Variants in PCBP3 observed in about 807,000 individuals in gnomAD.
The protein encoded by PCBP3 is poly(rC)-binding protein 3.
PCBP3 carries 25 observed loss-of-function variants against 52.7 expected under a neutral mutation model. That is an observed-to-expected ratio of 0.47 (90% confidence interval 0.35 to 0.66). The LOEUF (loss-of-function observed/expected upper bound fraction) is 0.66, where lower values mean the gene tolerates loss of function less well. Ranked by LOEUF, PCBP3 falls within the 30% of genes least tolerant of loss-of-function variation. The pLI, the probability that PCBP3 is intolerant of heterozygous loss-of-function variation, is 0.01. For synonymous variants in PCBP3, 162 were observed against 183.0 expected (o/e 0.89, Z 0.93); for missense variants, 391 against 490.3 (o/e 0.80, Z 1.91).
intron 1 of PCBP3, among the ~76,000 whole-genome samples, chr21:45,654,337 CA>C (rs1317255989): frequency 9.5e-5 from 12 of 125,702 alleles, no homozygotes; most frequent in Non-Finnish European, 1.8e-4. Flanking sequence ...GTAGACATTG[CA>C]TTTTTTTTTT....
rs574250606 is a variant in PCBP3, at chr21:45,894,765, C to T, written c.11-1443C>T. On this transcript the variant is annotated intron_variant, in intron 5 of 17. Transcript: ENST00000681687. ...AACTGAAAAAGGCACATGTGGCTGT[C>T]CTGCTGCACAGTGCAGCGAGAGCAT... is the stretch of plus-strand genomic sequence containing the variant. Among the ~76,000 whole-genome samples, 11 of 152,336 alleles carry T rather than the reference C, an allele frequency of 7.2e-5. No individual in the cohort carries two copies. The South Asian group carries it at 2.3e-3, about 32-fold the overall frequency.
At chr21:45,796,471 A>T (rs2091925039) in intron 4 of PCBP3, among the ~76,000 whole-genome samples, 1 of 152,068 alleles carries the variant, frequency 6.6e-6, no homozygotes, top group Non-Finnish European at 1.5e-5. Flanking sequence ...TTCTGTATGT[A>T]TCACTTCTCT....
chr21:45,849,826 C>T, intron 4 of PCBP3, 135 bp from the exon 5 acceptor site: 1 of 504,202 alleles, frequency 2.0e-6, no homozygotes, highest in Admixed American at 3.5e-5. Flanking sequence ...CACACTCACA[C>T]TGTGCCTTGT....
In PCBP3 at chr21:45,724,956, CAAAT is replaced by C. The variant is rs1485985139; in HGVS notation, c.-199-10432_-199-10429del. Among the ~76,000 whole-genome samples, 1 of 152,088 alleles carries C rather than the reference CAAAT, an allele frequency of 6.6e-6. No individual in the cohort carries two copies. Among genetic ancestry groups the C allele is most frequent in the East Asian group, 1.9e-4 (1 of 5,196 alleles). ...ATGATGAAAGTTACAGATAATAGCT[CAAAT>C]AAACTGTTGTGAGCCGTTAAGTATG... is the stretch of plus-strand genomic sequence containing the variant. On this transcript the variant is annotated intron_variant, in intron 2 of 17. Coordinates refer to ENST00000681687, the MANE Select transcript of PCBP3 (RefSeq NM_001384156.1). The surrounding 1 kb of genome is among the most constrained non-coding windows in gnomAD (Gnocchi z 5.3).
chr21:45,756,377 G>A (rs770258728), intron 4 of PCBP3, among the ~76,000 whole-genome samples: 2 of 152,054 alleles, frequency 1.3e-5, no homozygotes, highest in Non-Finnish European at 2.9e-5. Context: ...GTCCTCTAAT[G>A]TAGGTCTTTT....
chr21:45,814,144 T>C (rs1360882657), intron 4 of PCBP3, among the ~76,000 whole-genome samples: 1 of 152,226 alleles, frequency 6.6e-6, no homozygotes, highest in East Asian at 1.9e-4. Context: ...CAATTGTGTG[T>C]TTAAACACTT....
At chr21:45,816,014 GGTGAGTA>G (rs1489376367) in intron 4 of PCBP3, among the ~76,000 whole-genome samples, 5 of 122,422 alleles carry the variant, frequency 4.1e-5, no homozygotes, top group African/African-American at 9.6e-5. Context: ...GTGAGTGAGT[GGTGAGTA>G]GTGAGTGGTG....
At position 45,901,025 on chromosome 21, in the gene PCBP3, G is replaced by T. The variant is rs779883757; in HGVS notation, c.251G>T (p.Gly84Val). Residue 84 changes from glycine to valine, a missense_variant, in exon 9 of 18, where the codon GGA becomes GTA. Gly to Val is a moderately radical substitution (Grantham distance 109). Coordinates refer to ENST00000681687, the MANE Select transcript of PCBP3 (RefSeq NM_001384156.1). ...GGTGCAAGGATCAACATCTCAGAGGGAAACTGCCCAGAGAGGATTGTGACC... is the reference window on the plus strand; with the variant it reads ...GGTGCAAGGATCAACATCTCAGAGGTAAACTGCCCAGAGAGGATTGTGACC... ...ESGARINISEGNCPERIVTIT... is the reference protein window; with the variant it reads ...ESGARINISEVNCPERIVTIT... 1 of 1,613,904 alleles carries T rather than the reference G, an allele frequency of 6.2e-7. No homozygotes were observed. The highest frequency in any genetic ancestry group is 1.1e-5 in the South Asian group (1 of 91,084).
chr21:45,705,426 T>G (rs1045942717), intron 2 of PCBP3, among the ~76,000 whole-genome samples: 2 of 152,226 alleles, frequency 1.3e-5, no homozygotes, highest in African/African-American at 4.8e-5. Flanking sequence ...CCTCCTCGGC[T>G]GAAGATGTCC....
intron 2 of PCBP3, chr21:45,728,624 T>A (rs1166794436): frequency 6.6e-6 from 1 of 152,210 alleles, no homozygotes; most frequent in Non-Finnish European, 1.5e-5. Context: ...GTTTTCTAGA[T>A]GAGTTAGTAA....
At chr21:45,751,744 C>T (rs1362653781) in intron 3 of PCBP3, 1 of 152,224 alleles carries the variant, frequency 6.6e-6, no homozygotes, top group Admixed American at 6.5e-5. Flanking sequence ...TGCAAATCAC[C>T]TTCAAGGGGT....
At chr21:45,845,890 C>A (rs2839016) in intron 4 of PCBP3, among the ~76,000 whole-genome samples, 1 of 152,092 alleles carries the variant, frequency 6.6e-6, no homozygotes, top group Non-Finnish European at 1.5e-5. Flanking sequence ...AGCCATTGCT[C>A]TGCTGTTACT....
intron 4 of PCBP3, among the ~76,000 whole-genome samples, chr21:45,799,954 G>A (rs1187739771): frequency 5.3e-5 from 8 of 152,202 alleles, no homozygotes; most frequent in African/African-American, 1.9e-4. Context: ...TTGGCACCGG[G>A]CTCTCCAATG....
intron 2 of PCBP3, among the ~76,000 whole-genome samples, chr21:45,715,097 G>T (rs964037487): frequency 6.6e-6 from 1 of 152,194 alleles, no homozygotes; most frequent in African/African-American, 2.4e-5. Context: ...TAACAAAGCA[G>T]GTTGCAAAAG....
intron 13 of PCBP3, among the ~76,000 whole-genome samples, chr21:45,927,142 G>C (rs1207685367): frequency 1.3e-5 from 2 of 152,016 alleles, no homozygotes; most frequent in East Asian, 3.9e-4. Context: ...ATCATTCATT[G>C]AGTTGCATCT....
intron 9 of PCBP3, among the ~76,000 whole-genome samples, chr21:45,903,468 A>G (rs1033062150): frequency 1.3e-5 from 2 of 152,040 alleles, no homozygotes; most frequent in African/African-American, 2.4e-5. Context: ...CCAGGGTCCC[A>G]TTTGATGAGA....
chr21:45,914,137 C>G, intron 12 of PCBP3, 112 bp downstream of exon 12: 1 of 1,552,702 alleles, frequency 6.4e-7, no homozygotes, highest in East Asian at 2.4e-5. Context: ...GTGCACGTCT[C>G]CCACCCGTGC....
At chr21:45,718,682 G>A (rs775858602) in intron 2 of PCBP3, among the ~76,000 whole-genome samples, 11 of 152,088 alleles carry the variant, frequency 7.2e-5, no homozygotes, top group Non-Finnish European at 1.3e-4. Context: ...GCAAGCCTTT[G>A]ATGAATTTCC....
chr21:45,815,488 G>A (rs1228581051), intron 4 of PCBP3, among the ~76,000 whole-genome samples: 1 of 111,308 alleles, frequency 9.0e-6, no homozygotes. Context: ...TGGGTGAGTG[G>A]TGAGTGATGA....
Sources: gnomAD v4.1 joint callset for allele counts (sites outside exome capture counted in the v4.1 genomes callset) on GRCh38, gnomAD v4.1.1 for gene constraint, Gnocchi (gnomAD v3.1) non-coding constraint, MANE v1.5 for transcripts, NCBI Gene and HGNC (gene_info 2026-07-23, HGNC 2026-07-21) for gene names.